Variants in MTUS2 observed in about 807,000 individuals in gnomAD.
The protein encoded by MTUS2 is microtubule-associated tumor suppressor candidate 2.
In MTUS2, 40 loss-of-function variants were observed where a neutral mutation model predicts 114.1. The observed-to-expected ratio is 0.35, with a 90% CI of 0.27 to 0.46. The LOEUF (loss-of-function observed/expected upper bound fraction) is 0.46, where lower values mean the gene tolerates loss of function less well. MTUS2 is among the 20% of genes least tolerant of loss of function. The probability of loss-of-function intolerance (pLI) is 1.00; values close to 1 mark genes in which losing one functional copy is unlikely to be tolerated. For missense variants in MTUS2, 1,679 were observed against 1,705.4 expected, an observed-to-expected ratio of 0.98 and a Z score of 0.27; for synonymous variants, 688 against 672.0, an observed-to-expected ratio of 1.02 and a Z score of -0.37.
At chr13:28,824,610 T>C (rs1348881533) in intron 1 of MTUS2, among the ~76,000 whole-genome samples, 2 of 152,088 alleles carry the variant, frequency 1.3e-5, no homozygotes, top group African/African-American at 4.8e-5. Flanking sequence ...AGTCTCTTTC[T>C]CTCACTGCAG....
intron 8 of MTUS2, among the ~76,000 whole-genome samples, chr13:29,395,973 C>A (rs559647473): frequency 2.6e-5 from 4 of 152,248 alleles, no homozygotes; most frequent in African/African-American, 9.6e-5. Context: ...AGCAAGTACT[C>A]CTCTACAGAA....
At chr13:28,881,534 C>G (rs563945902) in intron 2 of MTUS2, among the ~76,000 whole-genome samples, 18 of 152,278 alleles carry the variant, frequency 1.2e-4, no homozygotes, top group Non-Finnish European at 1.9e-4. Context: ...CTATTTTTAG[C>G]TCTTTGAGAA....
intron 4 of MTUS2, among the ~76,000 whole-genome samples, chr13:29,092,688 C>A (rs1416492325): frequency 6.6e-6 from 1 of 152,138 alleles, no homozygotes; most frequent in Non-Finnish European, 1.5e-5. Context: ...GATGGGGCAC[C>A]TTCTGCAACA....
rs1049409468 is a variant in MTUS2, at chr13:29,480,281, C to T, written c.3316C>T (p.Leu1106=). The T allele has an allele frequency of 1.9e-6, 3 of 1,554,904 alleles. No homozygotes were observed. The Admixed American group carries it at 5.8e-5, about 30-fold the overall frequency. ...CCAGGAGCTGGAGGAGCGGCTGCAG[C>T]TGCAATTCGAGGCGGAAATGGCGCG... The part of the protein sequence containing the change: ...ELQELEERLQ[L]QFEAEMARLQ... Residue 1106 remains leucine (L), a synonymous_variant, in exon 10 of 16, where the codon CTG becomes TTG. Transcript: ENST00000612955. The surrounding 1 kb of genome is among the most constrained non-coding windows in gnomAD (Gnocchi z 4.4).
chr13:29,400,937 C>T (rs998279926), intron 8 of MTUS2, among the ~76,000 whole-genome samples: 6 of 152,170 alleles, frequency 3.9e-5, no homozygotes, highest in East Asian at 1.9e-4. Context: ...TGATAAATTA[C>T]GTATTAGAGA....
chr13:29,294,129 A>T (rs1898836398), intron 6 of MTUS2, among the ~76,000 whole-genome samples: 1 of 152,190 alleles, frequency 6.6e-6, no homozygotes, highest in Admixed American at 6.5e-5. Context: ...TTACAGAAAA[A>T]AATGAAACAA....
chr13:29,434,924 G>T (rs1028088921), intron 8 of MTUS2, among the ~76,000 whole-genome samples: 1 of 152,202 alleles, frequency 6.6e-6, no homozygotes, highest in African/African-American at 2.4e-5. Context: ...TCTTAGATTG[G>T]GAGCCATGTC....
intron 6 of MTUS2, among the ~76,000 whole-genome samples, chr13:29,298,126 T>C (rs556583210): frequency 6.6e-6 from 1 of 152,346 alleles, no homozygotes; most frequent in South Asian, 2.1e-4. Flanking sequence ...AGGAAAATAC[T>C]TGCAGCTGCA....
At chr13:28,879,924 AAGTT>A (rs1265769133) in intron 2 of MTUS2, among the ~76,000 whole-genome samples, 1 of 152,158 alleles carries the variant, frequency 6.6e-6, no homozygotes, top group African/African-American at 2.4e-5. Flanking sequence ...AGGAAGCAAG[AAGTT>A]GAGGGTATTT....
intron 5 of MTUS2, among the ~76,000 whole-genome samples, chr13:29,128,830 T>C (rs1252278847): frequency 1.3e-5 from 2 of 152,200 alleles, no homozygotes; most frequent in Non-Finnish European, 2.9e-5. Context: ...CTGGGTGTTT[T>C]GATCAATGCC....
At chr13:28,862,264 A>G (rs986100048) in intron 2 of MTUS2, among the ~76,000 whole-genome samples, 3 of 152,220 alleles carry the variant, frequency 2.0e-5, no homozygotes, top group Admixed American at 1.3e-4. Context: ...GCATGATTAC[A>G]TAGTAAATTA....
chr13:29,008,512 A>T (rs149978045), intron 2 of MTUS2, among the ~76,000 whole-genome samples: 21 of 152,274 alleles, frequency 1.4e-4, no homozygotes, highest in African/African-American at 4.6e-4. Context: ...TCATTTACAT[A>T]GTCATTTTGC....
At chr13:29,470,499 T>G (rs1880206347) in intron 9 of MTUS2, among the ~76,000 whole-genome samples, 1 of 152,114 alleles carries the variant, frequency 6.6e-6, no homozygotes, top group Admixed American at 6.5e-5. Context: ...ACAGCCTGAG[T>G]CCAAGTCATC....
chr13:28,841,412 A>C (rs1003614579), intron 2 of MTUS2, among the ~76,000 whole-genome samples: 2 of 152,296 alleles, frequency 1.3e-5, no homozygotes, highest in Admixed American at 6.5e-5. Flanking sequence ...AAAGTGGTGC[A>C]GGTTGTGGGG....
Position 28,907,514 on chromosome 13 carries a change from C to T in MTUS2, c.-243+67664C>T, listed in dbSNP as rs961112989. ...TGCTGTATTCAGGAAACCCATCTCA[C>T]GTGCAGAGACACACATAGGCTCAAA... is the stretch of plus-strand genomic sequence containing the variant. On this transcript the variant is annotated intron_variant, in intron 2 of 15. Transcript: ENST00000612955. Among the ~76,000 whole-genome samples the T allele has an allele frequency of 3.1e-4, 47 of 151,470 alleles. 2 individuals are homozygous for T. Among genetic ancestry groups the T allele is most frequent in the Middle Eastern group, 3.5e-3 (1 of 288 alleles).
chr13:29,076,192 T>C (rs560129318), intron 4 of MTUS2, among the ~76,000 whole-genome samples: 2 of 152,346 alleles, frequency 1.3e-5, no homozygotes, highest in South Asian at 2.1e-4. Context: ...GGAAGTCTCT[T>C]TGAAGCTCCT....
intron 5 of MTUS2, among the ~76,000 whole-genome samples, chr13:29,184,423 T>G (rs922665754): frequency 1.3e-5 from 2 of 152,222 alleles, no homozygotes. Flanking sequence ...TACCTAGGGC[T>G]GTGTGCATTC....
chr13:29,172,612 G>A (rs1339881827), intron 5 of MTUS2, among the ~76,000 whole-genome samples: 1 of 152,088 alleles, frequency 6.6e-6, no homozygotes, highest in Non-Finnish European at 1.5e-5. Flanking sequence ...TAATAAAATT[G>A]AATTGCACAC....
chr13:29,438,461 G>A (rs1318862185), intron 8 of MTUS2, among the ~76,000 whole-genome samples: 4 of 152,188 alleles, frequency 2.6e-5, no homozygotes, highest in African/African-American at 9.7e-5. Context: ...AGCAGTTTCA[G>A]TGTCAGGTGC....
Sources: allele counts gnomAD v4.1 joint callset (sites outside exome capture counted in the v4.1 genomes callset), GRCh38; gene constraint gnomAD v4.1.1; non-coding constraint Gnocchi (gnomAD v3.1); transcripts MANE v1.5; gene names NCBI Gene and HGNC (gene_info 2026-07-23, HGNC 2026-07-21).